The following DLG3 variants were observed in gnomAD, a reference collection of about 807,000 sequenced individuals.
DLG3 encodes disks large homolog 3.
In DLG3, 1 loss-of-function variant was observed where a neutral mutation model predicts 64.1. The observed-to-expected ratio is 0.02, with a 90% CI of 0.01 to 0.07. The LOEUF is 0.07. DLG3 is among the 10% of genes least tolerant of loss of function. The pLI, the probability that DLG3 is intolerant of heterozygous loss-of-function variation, is 1.00. For missense variants in DLG3, 429 were observed against 669.5 expected, an observed-to-expected ratio of 0.64 and a Z score of 3.96; for synonymous variants, 245 against 259.8, an observed-to-expected ratio of 0.94 and a Z score of 0.55.
At chrX:70,465,680 T>G (rs1046804786) in intron 9 of DLG3, among the ~76,000 whole-genome samples, 1 of 112,129 alleles carries the variant, frequency 8.9e-6, no homozygotes, top group South Asian at 3.6e-4. Flanking sequence ...TATATTTATA[T>G]TACATATATC....
Position 70,445,153 on chromosome X carries a change from C to T in DLG3, c.-49C>T. ...GCGGTGGTGGCGGCGGTGGCGGCGG[C>T]GTGGAATCCGGCGTGGGCTGGGGGG... On this transcript the variant is annotated 5_prime_UTR_variant, in exon 1 of 19. Coordinates refer to ENST00000374360, the MANE Select transcript of DLG3 (RefSeq NM_021120.4). 2 of 1,016,729 alleles carry T rather than the reference C, an allele frequency of 2.0e-6. No homozygotes were observed. 83.8% of individuals were successfully genotyped at this position (1,016,729 alleles called of 1,213,427 possible).
intron 4 of DLG3, 86 bp from the exon 5 acceptor site, chrX:70,450,083 C>T (rs1002833912): frequency 1.7e-6 from 2 of 1,146,872 alleles, no homozygotes; most frequent in African/African-American, 3.6e-5. Flanking sequence ...AGTGGGTTGG[C>T]TGGGGGAGGG....
In DLG3 at chrX:70,449,974, C is replaced by A; in HGVS notation, c.703+115C>A. On this transcript the variant is annotated intron_variant, in intron 4 of 18. Coordinates refer to ENST00000374360, the MANE Select transcript of DLG3 (RefSeq NM_021120.4). ...ACTCCTTGCCTGACTCCCCCTGTTC[C>A]AACTCACAGCCTACTTTTTTGACCT... 6.9e-6 allele frequency: 7 copies of A among 1,011,279 alleles called. No individual in the cohort carries two copies. The South Asian group carries it at 1.3e-4, about 18-fold the overall frequency. The allele number at this position is 1,011,279 out of a possible 1,213,427, so 83.3% of individuals were successfully genotyped here.
intron 9 of DLG3, among the ~76,000 whole-genome samples, chrX:70,460,746 C>A (rs2086789185): frequency 9.0e-6 from 1 of 111,285 alleles, no homozygotes; most frequent in African/African-American, 3.3e-5. Context: ...TCTCCCCATC[C>A]CCCTCATGTC....
intron 7 of DLG3, chrX:70,453,422 C>G: frequency 2.2e-6 from 1 of 458,756 alleles, no homozygotes; most frequent in Non-Finnish European, 3.6e-6. Flanking sequence ...ACTGCAAGCC[C>G]TCGGGAAGAA....
intron 12 of DLG3, 35 bp downstream of exon 12, chrX:70,492,631 G>C (rs1179418413): frequency 8.7e-7 from 1 of 1,146,811 alleles, no homozygotes; most frequent in Admixed American, 2.2e-5. Context: ...CAGCCAGTAG[G>C]TAAAGAGGGT....
intron 13 of DLG3, among the ~76,000 whole-genome samples, chrX:70,496,586 G>C (rs1163756308): frequency 3.5e-5 from 4 of 112,685 alleles, no homozygotes; most frequent in Non-Finnish European, 7.5e-5. Flanking sequence ...TATGTGTCTG[G>C]TGGTGGATGG....
At chrX:70,492,717 G>T (rs1223313879) in intron 12 of DLG3, 121 bp downstream of exon 12, 24 of 650,744 alleles carry the variant, frequency 3.7e-5, no homozygotes, top group Middle Eastern at 3.1e-4. Context: ...CAGGGGGCTG[G>T]CTCTGTCCTA....
rs769800625 is a variant in DLG3 at position 70,450,783 on chromosome X, A to C, written c.985A>C (p.Thr329Pro). 1 of 1,211,822 alleles carries C rather than the reference A, an allele frequency of 8.3e-7. No individual in the cohort carries two copies. Among genetic ancestry groups the C allele is most frequent in the African/African-American group, 1.7e-5 (1 of 57,812 alleles). ...DMYAPPDYAS[T>P]FTALADNHIS... ...GTACGCTCCCCCTGACTACGCCAGC[A>C]GTACGTACTCATCAGCCCCTGTCCC... Residue 329 changes from threonine (T) to proline (P), a missense_variant and splice_region_variant, in exon 6 of 19, where the codon ACT becomes CCT. Around this residue, in one of 9 missense-constraint regions of DLG3, gnomAD observed 54 missense variants for 54.4 expected, o/e 0.99. Coordinates refer to ENST00000374360, the MANE Select transcript of DLG3 (RefSeq NM_021120.4).
chrX:70,501,007 C>T lies in DLG3; in HGVS notation c.2347+18C>T. On this transcript the variant is annotated intron_variant, in intron 18 of 18. Transcript: ENST00000374360. ...CTTTACAGGTAAGACTCCTGCTGCC[C>T]TGCGGGGGGTTCTGGGGAACTAGCC... 1.8e-6 allele frequency: 2 copies of T among 1,126,624 alleles called. No individual in the cohort carries two copies. Among genetic ancestry groups the T allele is most frequent in the East Asian group, 3.2e-5 (1 of 31,429 alleles). The allele number at this position is 1,126,624 out of a possible 1,213,427, so 92.8% of individuals were successfully genotyped here.
At chrX:70,500,247 A>C (rs185718858) in intron 16 of DLG3, among the ~76,000 whole-genome samples, 198 bp downstream of exon 16, 227 of 111,578 alleles carry the variant, frequency 2.0e-3, no homozygotes, top group African/African-American at 7.1e-3. Flanking sequence ...CCCAACAGGG[A>C]ATAGGGGGCC....
rs139115806 is a variant in DLG3, at chrX:70,488,957, C to T, written c.1521-3150C>T. 4.5e-4 allele frequency among the ~76,000 whole-genome samples: 50 copies of T among 112,167 alleles called. No individual in the cohort carries two copies. The East Asian group carries it at 0.011, about 24-fold the overall frequency. ...ATTCATAAATTCATCAAACAAAATC[C>T]AGATAGACTTGGGTACCATTTTTTA... On this transcript the variant is annotated intron_variant, in intron 10 of 18. Transcript: ENST00000374360.
intron 12 of DLG3, among the ~76,000 whole-genome samples, chrX:70,494,434 T>A (rs188077273): frequency 3.0e-4 from 34 of 112,204 alleles, no homozygotes; most frequent in African/African-American, 1.1e-3. Flanking sequence ...GGAAATGTCC[T>A]TCTGTCAGGC....
chrX:70,487,578 A>G (rs1178965951), intron 10 of DLG3, among the ~76,000 whole-genome samples: 1 of 112,017 alleles, frequency 8.9e-6, no homozygotes, highest in Non-Finnish European at 1.9e-5. Flanking sequence ...TCTGTCACCT[A>G]GTAAGCTCCA....
chrX:70,467,410 G>A (rs1443205717), intron 9 of DLG3, among the ~76,000 whole-genome samples: 1 of 111,799 alleles, frequency 8.9e-6, no homozygotes, highest in Non-Finnish European at 1.9e-5. Flanking sequence ...CACACGATTT[G>A]GACTTTAATA....
intron 9 of DLG3, chrX:70,455,893 G>A (rs2086698853): frequency 9.0e-6 from 1 of 111,412 alleles, no homozygotes; most frequent in Non-Finnish European, 1.9e-5. Context: ...CGATGAGAGG[G>A]GGAGAGGCTG....
intron 9 of DLG3, among the ~76,000 whole-genome samples, chrX:70,466,011 T>C (rs1222115410): frequency 9.0e-6 from 1 of 111,340 alleles, no homozygotes; most frequent in African/African-American, 3.3e-5. Context: ...ATTAATTGGA[T>C]CAAAGGGTAT....
intron 10 of DLG3, among the ~76,000 whole-genome samples, chrX:70,484,475 A>G (rs866227055): frequency 2.7e-5 from 3 of 112,067 alleles, no homozygotes; most frequent in African/African-American, 9.7e-5. Flanking sequence ...ATGAGTTTCA[A>G]TAGTGTATTA....
intron 9 of DLG3, among the ~76,000 whole-genome samples, chrX:70,461,292 G>C (rs781530800): frequency 8.9e-6 from 1 of 112,158 alleles, no homozygotes; most frequent in Non-Finnish European, 1.9e-5. Flanking sequence ...TTGCGGTTTT[G>C]ATTTGAATTT....
Sources: allele counts gnomAD v4.1 joint callset (sites outside exome capture counted in the v4.1 genomes callset), GRCh38; gene constraint gnomAD v4.1.1; regional missense constraint gnomAD v4.1.1; transcripts MANE v1.5; gene names NCBI Gene and HGNC (gene_info 2026-07-23, HGNC 2026-07-21).